SPTBN2: variants seen among roughly 807,000 people sequenced by gnomAD.
SPTBN2 encodes the protein spectrin beta chain, non-erythrocytic 2.
SPTBN2 carries 107 observed loss-of-function variants against 284.2 expected under a neutral mutation model. The ratio of observed to expected loss-of-function variants is 0.38; its 90% CI spans 0.32 to 0.44. The LOEUF (loss-of-function observed/expected upper bound fraction) is 0.44, where lower values mean the gene tolerates loss of function less well. SPTBN2 is among the 20% of genes least tolerant of loss of function. The probability of loss-of-function intolerance (pLI) is 1.00; values close to 1 mark genes in which losing one functional copy is unlikely to be tolerated. For synonymous variants in SPTBN2, 1,289 were observed against 1,354.8 expected, an observed-to-expected ratio of 0.95 and a Z score of 1.07; for missense variants, 2,569 against 3,287.1, an observed-to-expected ratio of 0.78 and a Z score of 5.34.
chr11:66,690,281 G>A lies in SPTBN2; in HGVS notation c.5568C>T (p.Val1856=). ...GGTGGCCGTCGTCCTGCACCTGCTG[G>A]ACCTGCGGAGCCCCGGGTCAGAGTC... ...EHDIQALSPQ[V]QQVQDDGHRL... Residue 1856 remains valine (V), a splice_region_variant and synonymous_variant, in exon 28 of 38, where the codon GTC becomes GTT. Coordinates refer to ENST00000533211, the MANE Select transcript of SPTBN2 (RefSeq NM_006946.4). The A allele has an allele frequency of 1.2e-6, 2 of 1,605,776 alleles. No individual in the cohort carries two copies. The highest frequency in any genetic ancestry group is 8.5e-7 in the Non-Finnish European group (1 of 1,176,958).
Position 66,688,671 on chromosome 11 carries a change from C to A in SPTBN2, c.6213G>T (p.Ala2071=), listed in dbSNP as rs779482257. Residue 2071 remains alanine, a synonymous_variant, in exon 31 of 38, where the codon GCG becomes GCT. Coordinates refer to ENST00000533211, the MANE Select transcript of SPTBN2 (RefSeq NM_006946.4). ...CCCTCACCGCAGTAAGCTTCTCCAG[C>A]GCACAGAATCGCTCCTCCCAGGCCA... is the stretch of plus-strand genomic sequence containing the variant. ...SAVAWEERFC[A]LEKLTALEER... The A allele has an allele frequency of 1.9e-6, 3 of 1,613,944 alleles. No individual in the cohort carries two copies. The highest frequency in any genetic ancestry group is 2.2e-5 in the East Asian group (1 of 44,858).
At chr11:66,734,593 T>G (rs1942839795) in intron 1 of SPTBN2, among the ~76,000 whole-genome samples, 1 of 152,234 alleles carries the variant, frequency 6.6e-6, no homozygotes, top group Admixed American at 6.5e-5. Flanking sequence ...TGTTACTTCC[T>G]CTGGAAAGCC....
intron 8 of SPTBN2, among the ~76,000 whole-genome samples, chr11:66,711,331 AAAAG>A (rs1941855873): frequency 6.6e-6 from 1 of 152,244 alleles, no homozygotes. Context: ...GAAAAGCAAG[AAAAG>A]AAACAGCATT....
rs866901681 is a variant in SPTBN2 at position 66,693,715 on chromosome 11, G to C, written c.4593+57C>G. On this transcript the variant is annotated intron_variant, in intron 23 of 37. Transcript: ENST00000533211. This position sits in a 1 kb window ranked among gnomAD's most constrained non-coding sequence, Gnocchi z 5.7. ...GGGGCCTGGTCTTAAGAAAAAACAC[G>C]TCCAAGTCTGGGCAGGCTCCTGGGA... is the stretch of plus-strand genomic sequence containing the variant. 2 of 1,530,144 alleles carry C rather than the reference G, an allele frequency of 1.3e-6. No homozygotes were observed. The highest frequency in any genetic ancestry group is 1.8e-6 in the Non-Finnish European group (2 of 1,121,426). The allele number at this position is 1,530,144 out of a possible 1,614,324, so 94.8% of individuals were successfully genotyped here.
intron 15 of SPTBN2, among the ~76,000 whole-genome samples, chr11:66,702,707 G>A (rs1335965232): frequency 6.6e-6 from 1 of 151,826 alleles, no homozygotes; most frequent in Non-Finnish European, 1.5e-5. Context: ...GGGAGGCTGA[G>A]ATGGGTGGAT....
Position 66,685,922 on chromosome 11 carries a change from G to A in SPTBN2, c.7122C>T (p.Gly2374=), listed in dbSNP as rs771261426. 1.9e-6 allele frequency: 3 copies of A among 1,613,934 alleles called. No individual in the cohort carries two copies. The South Asian group carries it at 3.3e-5, about 18-fold the overall frequency. ...EGPVVLRSKD[G]REREREKRFS... ...AGCGTTTTTCTCGCTCTCGTTCTCT[G>A]CCGTCTTTGCTGCGGAGCACAACAG... is the stretch of plus-strand genomic sequence containing the variant. Residue 2374 remains glycine (G), a synonymous_variant, in exon 38 of 38, where the codon GGC becomes GGT. Transcript: ENST00000533211. This position sits in a 1 kb window ranked among gnomAD's most constrained non-coding sequence, Gnocchi z 4.4.
Position 66,691,672 on chromosome 11 carries a change from C to CA in SPTBN2, c.5191-15dup. ...GTCTCGGAGCATCTGGTAGAGGAAGCAGATGGACAGACCATGCCGTGATGT... is the reference window on the plus strand; with the variant it reads ...GTCTCGGAGCATCTGGTAGAGGAAGCAAGATGGACAGACCATGCCGTGATGT... On this transcript the variant is annotated splice_polypyrimidine_tract_variant and intron_variant, in intron 26 of 37. Coordinates refer to ENST00000533211, the MANE Select transcript of SPTBN2 (RefSeq NM_006946.4). The surrounding 1 kb of genome is among the most constrained non-coding windows in gnomAD (Gnocchi z 8.0). 2 of 1,613,276 alleles carry CA rather than the reference C, an allele frequency of 1.2e-6. No homozygotes were observed. Among genetic ancestry groups the CA allele is most frequent in the Non-Finnish European group, 1.7e-6 (2 of 1,180,038 alleles).
chr11:66,716,876 A>G (rs1209412676), intron 3 of SPTBN2, among the ~76,000 whole-genome samples: 1 of 152,124 alleles, frequency 6.6e-6, no homozygotes, highest in Admixed American at 6.5e-5. Flanking sequence ...TGTGGGCTAA[A>G]ATTATTGCAG....
intron 1 of SPTBN2, among the ~76,000 whole-genome samples, chr11:66,727,833 C>T (rs1399442895): frequency 2.0e-5 from 3 of 150,754 alleles, no homozygotes; most frequent in East Asian, 2.0e-4. Flanking sequence ...CCCGCAGCCC[C>T]GGCGACGCGA....
intron 1 of SPTBN2, among the ~76,000 whole-genome samples, chr11:66,725,464 T>C (rs960515941): frequency 2.0e-5 from 3 of 152,136 alleles, no homozygotes; most frequent in African/African-American, 7.2e-5. Flanking sequence ...TGCCACTGAG[T>C]AGATCATTCC....
Position 66,711,025 on chromosome 11 carries a change from C to A in SPTBN2, c.777G>T (p.Val259=). 6.2e-7 allele frequency: 1 copy of A among 1,614,090 alleles called. No homozygotes were observed. The highest frequency in any genetic ancestry group is 1.1e-5 in the South Asian group (1 of 91,072). ...GLTKLLDPED[V]NVDQPDEKSI... ...ACTTCTCATCTGGCTGGTCCACATT[C>A]ACGTCTGCAAGAGAGGACCATTTGG... The change falls in exon 9 of 38, where the codon GTG becomes GTT. Residue 259 remains valine, a synonymous_variant. Coordinates refer to ENST00000533211, the MANE Select transcript of SPTBN2 (RefSeq NM_006946.4).
At position 66,696,317 on chromosome 11, in the gene SPTBN2, T is replaced by C; in HGVS notation, c.4238A>G (p.Lys1413Arg). Residue 1413 changes from lysine to arginine, a missense_variant, in exon 21 of 38, where the codon AAG becomes AGG. Coordinates refer to ENST00000533211, the MANE Select transcript of SPTBN2 (RefSeq NM_006946.4). ...CAGGATGTTGACGCTGGTGAGGTCC[T>C]TGCCGTAGTCATCCGAGTGCAGCTG... ...QAQLHSDDYG[K>R]DLTSVNILLK... 1 of 1,613,154 alleles carries C rather than the reference T, an allele frequency of 6.2e-7. No homozygotes were observed. Among genetic ancestry groups the C allele is most frequent in the Non-Finnish European group, 8.5e-7 (1 of 1,180,026 alleles).
chr11:66,730,191 G>T (rs146737522), upstream of SPTBN2, among the ~76,000 whole-genome samples: 139 of 152,290 alleles, frequency 9.1e-4, 1 homozygote, highest in African/African-American at 3.3e-3. Flanking sequence ...CCAGAGGTAG[G>T]ATTATGTGTT....
intron 1 of SPTBN2, chr11:66,728,406 A>G (rs1942718319): frequency 6.7e-6 from 1 of 148,486 alleles, no homozygotes; most frequent in South Asian, 1.9e-4. Flanking sequence ...GAAGGAGGAC[A>G]ATAGCCTCCC....
At chr11:66,724,390 T>C (rs747133450) in intron 1 of SPTBN2, among the ~76,000 whole-genome samples, 16 of 151,834 alleles carry the variant, frequency 1.1e-4, no homozygotes, top group Non-Finnish European at 1.8e-4. Context: ...GCCATTGCAC[T>C]CCAGCCTGGA....
chr11:66,701,168 C>T lies in SPTBN2; in HGVS notation c.2931G>A (p.Lys977=). The T allele has an allele frequency of 2.5e-6, 4 of 1,613,194 alleles. No homozygotes were observed. Among genetic ancestry groups the T allele is most frequent in the Non-Finnish European group, 3.4e-6 (4 of 1,180,048 alleles). Residue 977 remains lysine (K), a synonymous_variant, in exon 17 of 38, where the codon AAG becomes AAA. Coordinates refer to ENST00000533211, the MANE Select transcript of SPTBN2 (RefSeq NM_006946.4). ...CTETQAWMRE[K]TKVIESTQGL... ...CCTGGGTGGACTCGATGACTTTGGT[C>T]TTCTCTCTCATCCAGGCCTGGGTCT...
At chr11:66,686,596 C>A in intron 36 of SPTBN2, 156 bp from the exon 37 acceptor site, 1 of 827,576 alleles carries the variant, frequency 1.2e-6, no homozygotes, top group Non-Finnish European at 2.0e-6. Context: ...TTCAGCTTCC[C>A]CAGACTGTGC....
intron 1 of SPTBN2, among the ~76,000 whole-genome samples, chr11:66,741,462 A>G (rs1565167323): frequency 1.3e-5 from 2 of 152,218 alleles, no homozygotes; most frequent in Non-Finnish European, 2.9e-5. Flanking sequence ...AGTGTCGGGT[A>G]TGTCTTCATG....
chr11:66,701,210 G>A lies in SPTBN2; in HGVS notation c.2889C>T (p.Tyr963=), dbSNP rs773770093. 3 of 1,613,162 alleles carry A rather than the reference G, an allele frequency of 1.9e-6. No individual in the cohort carries two copies. The highest frequency in any genetic ancestry group is 2.5e-6 in the Non-Finnish European group (3 of 1,180,038). ...ALTSALSIQN[Y]HLECTETQAW... ...CCTGGGTCTCCGTGCACTCTAAGTG[G>A]TAGTTCTGGATGCTCAGGGCTGAGG... The change falls in exon 17 of 38, where the codon TAC becomes TAT. Residue 963 remains tyrosine (Y), a synonymous_variant. Coordinates refer to ENST00000533211, the MANE Select transcript of SPTBN2 (RefSeq NM_006946.4).
Sources: allele counts gnomAD v4.1 joint callset (sites outside exome capture counted in the v4.1 genomes callset), GRCh38; gene constraint gnomAD v4.1.1; non-coding constraint Gnocchi (gnomAD v3.1); transcripts MANE v1.5; gene names NCBI Gene and HGNC (gene_info 2026-07-23, HGNC 2026-07-21).